The following PPP1R14D variants were observed in gnomAD, a reference collection of about 807,000 sequenced individuals.
PPP1R14D encodes protein phosphatase 1 regulatory inhibitor subunit 14D, also known as protein phosphatase 1 regulatory subunit 14D.
A neutral mutation model predicts 17.1 loss-of-function variants in PPP1R14D; 14 were observed. The ratio of observed to expected loss-of-function variants is 0.82; its 90% CI spans 0.54 to 1.28. PPP1R14D has a LOEUF of 1.28. Ranked by LOEUF, PPP1R14D falls within the 50% of genes most tolerant of loss-of-function variation. The probability of loss-of-function intolerance (pLI) is 0.00; values close to 1 mark genes in which losing one functional copy is unlikely to be tolerated. For missense variants in PPP1R14D, 173 were observed against 179.2 expected (o/e 0.97, Z 0.20); for synonymous variants, 67 against 66.1 (o/e 1.01, Z -0.06).
chr15:40,817,102 A>C (rs887185240), intron 1 of PPP1R14D: 1 of 159,708 alleles, frequency 6.3e-6, no homozygotes, highest in Non-Finnish European at 1.4e-5. Flanking sequence ...CATGCCTGTA[A>C]TCTCAGCACT....
intron 1 of PPP1R14D, among the ~76,000 whole-genome samples, chr15:40,822,541 C>A (rs1219012701): frequency 3.3e-5 from 5 of 151,490 alleles, no homozygotes; most frequent in Non-Finnish European, 7.4e-5. Flanking sequence ...GCAAACTCTG[C>A]CTCCCGGGTT....
Position 40,815,998 on chromosome 15 carries a change from G to A in PPP1R14D, c.340-4C>T. On this transcript the variant is annotated splice_region_variant and splice_polypyrimidine_tract_variant and intron_variant, in intron 2 of 3. Transcript: ENST00000299174. ...GGGGGCAGTTCCCAAGAATGGCCTA[G>A]ATAGGAGAGAACACAGACAGGGCCC... 1.2e-6 allele frequency: 2 copies of A among 1,614,068 alleles called. No homozygotes were observed. The highest frequency in any genetic ancestry group is 1.7e-6 in the Non-Finnish European group (2 of 1,179,988).
chr15:40,820,744 C>A (rs934484241), intron 1 of PPP1R14D, among the ~76,000 whole-genome samples: 8 of 151,376 alleles, frequency 5.3e-5, no homozygotes, highest in Non-Finnish European at 1.2e-4. Context: ...ACCTGTAATC[C>A]CAGTTACTCG....
At chr15:40,826,455 T>A (rs796289243) in intron 1 of PPP1R14D, among the ~76,000 whole-genome samples, 9 of 152,340 alleles carry the variant, frequency 5.9e-5, no homozygotes, top group African/African-American at 2.2e-4. Context: ...TGTGGGGCTT[T>A]TAAAAAATGC....
chr15:40,820,670 G>T (rs1890759970), intron 1 of PPP1R14D, among the ~76,000 whole-genome samples: 2 of 150,664 alleles, frequency 1.3e-5, no homozygotes, highest in Non-Finnish European at 1.5e-5. Context: ...AGACCAGCCT[G>T]GCCAAAATGG....
At chr15:40,820,639 G>A (rs1472807368) in intron 1 of PPP1R14D, among the ~76,000 whole-genome samples, 1 of 151,216 alleles carries the variant, frequency 6.6e-6, no homozygotes, top group Non-Finnish European at 1.5e-5. Flanking sequence ...GCTCACTTGA[G>A]GTCAGGAGTT....
chr15:40,824,557 C>T (rs1890839646), intron 1 of PPP1R14D, among the ~76,000 whole-genome samples: 1 of 151,758 alleles, frequency 6.6e-6, no homozygotes, highest in Non-Finnish European at 1.5e-5. Context: ...TTTTTTTGGA[C>T]AGGGTTTCAC....
chr15:40,821,888 A>G (rs1024273162), intron 1 of PPP1R14D, among the ~76,000 whole-genome samples: 1 of 152,240 alleles, frequency 6.6e-6, no homozygotes, highest in African/African-American at 2.4e-5. Context: ...AGATCGTACC[A>G]CTGTACTCCA....
chr15:40,827,305 T>G (rs1336876962), intron 1 of PPP1R14D, among the ~76,000 whole-genome samples: 2 of 152,188 alleles, frequency 1.3e-5, no homozygotes, highest in Admixed American at 1.3e-4. Context: ...GGTCGAGAGT[T>G]CGAGACCAGC....
intron 1 of PPP1R14D, among the ~76,000 whole-genome samples, chr15:40,824,718 T>C (rs1165811594): frequency 6.6e-6 from 1 of 152,136 alleles, no homozygotes; most frequent in African/African-American, 2.4e-5. Context: ...TAAATTCTAA[T>C]TAATAGAATT....
chr15:40,818,202 T>C (rs1211805685), intron 1 of PPP1R14D, among the ~76,000 whole-genome samples: 4 of 141,556 alleles, frequency 2.8e-5, no homozygotes, highest in Non-Finnish European at 6.0e-5. Context: ...GGCAGGAGAA[T>C]GGTGTGAACC....
chr15:40,825,296 A>AGAAAG (rs201670696), intron 1 of PPP1R14D, among the ~76,000 whole-genome samples: 4 of 150,728 alleles, frequency 2.7e-5, no homozygotes, highest in African/African-American at 7.4e-5. Context: ...AAAAAAAAAA[A>AGAAAG]AAAGAAAGAA....
chr15:40,826,836 G>A (rs148744776), intron 1 of PPP1R14D, among the ~76,000 whole-genome samples: 1,635 of 152,334 alleles, frequency 0.011, 29 homozygotes, highest in African/African-American at 0.037. Flanking sequence ...GCTTAATGGA[G>A]TTGTGGGAAG....
intron 1 of PPP1R14D, among the ~76,000 whole-genome samples, chr15:40,821,202 C>T (rs954324003): frequency 2.0e-5 from 3 of 151,584 alleles, no homozygotes; most frequent in Non-Finnish European, 2.9e-5. Context: ...AGACATGGTG[C>T]GCATGCCTGT....
intron 1 of PPP1R14D, among the ~76,000 whole-genome samples, 169 bp downstream of exon 1, chr15:40,828,218 G>C (rs1335691928): frequency 6.6e-6 from 1 of 152,168 alleles, no homozygotes; most frequent in Non-Finnish European, 1.5e-5. Context: ...CAAGCCTAGA[G>C]GGAGGCAGAC....
In PPP1R14D at chr15:40,825,293, A is replaced by AG. The variant is rs566746339; in HGVS notation, c.255+3093_255+3094insC. Among the ~76,000 whole-genome samples, 467 of 149,902 alleles carry AG rather than the reference A, an allele frequency of 3.1e-3. 3 individuals are homozygous for AG. The highest frequency in any genetic ancestry group is 0.011 in the African/African-American group (445 of 39,472). ...AGAGTGAAACTCTGTCTCAAAAAAA[A>AG]AAAAAAGAAAGAAAGAAAGAAATAG... On this transcript the variant is annotated intron_variant, in intron 1 of 3. Coordinates refer to ENST00000299174, the MANE Select transcript of PPP1R14D (RefSeq NM_017726.8).
At chr15:40,819,876 T>C (rs1363896924) in intron 1 of PPP1R14D, among the ~76,000 whole-genome samples, 6 of 151,980 alleles carry the variant, frequency 3.9e-5, no homozygotes, top group Admixed American at 1.3e-4. Context: ...TATTTTTTTT[T>C]TTTTTTTGAG....
intron 1 of PPP1R14D, among the ~76,000 whole-genome samples, chr15:40,823,448 T>C (rs958912322): frequency 6.6e-6 from 1 of 152,124 alleles, no homozygotes; most frequent in African/African-American, 2.4e-5. Flanking sequence ...ACAGTGTTTA[T>C]GAAATCTACA....
intron 1 of PPP1R14D, among the ~76,000 whole-genome samples, chr15:40,821,883 G>A (rs893621011): frequency 6.6e-6 from 1 of 152,186 alleles, no homozygotes; most frequent in Non-Finnish European, 1.5e-5. Context: ...AGGCGAGATC[G>A]TACCACTGTA....
Sources: gnomAD v4.1 joint callset for allele counts (sites outside exome capture counted in the v4.1 genomes callset) on GRCh38, gnomAD v4.1.1 for gene constraint, MANE v1.5 for transcripts, NCBI Gene and HGNC (gene_info 2026-07-23, HGNC 2026-07-21) for gene names.